Variants in CTNNA2 observed in about 807,000 individuals in gnomAD.
CTNNA2 encodes the protein catenin alpha 2.
In CTNNA2, 42 loss-of-function variants were observed where a neutral mutation model predicts 101.0. The observed-to-expected ratio is 0.42, with a 90% CI of 0.32 to 0.54. CTNNA2 has a LOEUF of 0.54. CTNNA2 is among the 20% of genes least tolerant of loss of function. The probability of loss-of-function intolerance (pLI) is 0.14; values close to 1 mark genes in which losing one functional copy is unlikely to be tolerated. For synonymous variants in CTNNA2, 450 were observed against 456.4 expected (o/e 0.99, Z 0.18); for missense variants, 871 against 1,223.1 (o/e 0.71, Z 4.29).
At position 80,292,901 on chromosome 2, in the gene CTNNA2, T is replaced by A. The variant is rs1675390147; in HGVS notation, c.1057-100310T>A. The stretch of plus-strand genomic sequence containing the variant: ...TCTCCTTTTCTTTCCTACAGCATGT[T>A]TGCTCTTTTTTTTGTACCTTTATGA... On this transcript the variant is annotated intron_variant, in intron 7 of 18. Transcript: ENST00000402739. 2.0e-5 allele frequency among the ~76,000 whole-genome samples: 3 copies of A among 152,336 alleles called. No individual in the cohort carries two copies. The South Asian group carries it at 6.2e-4, about 32-fold the overall frequency.
At position 80,014,147 on chromosome 2, in the gene CTNNA2, TTGAC is replaced by T. The variant is rs1302544962; in HGVS notation, c.1056+104353_1056+104356del. Among the ~76,000 whole-genome samples the T allele has an allele frequency of 3.9e-5, 6 of 152,322 alleles. No individual in the cohort carries two copies. The East Asian group carries it at 9.6e-4, about 24-fold the overall frequency. ...ATTTGTACATATAGTTTATTGCTCA[TTGAC>T]TGGTACTTTCATTGTATCACTGTAC... is the stretch of plus-strand genomic sequence containing the variant. On this transcript the variant is annotated intron_variant, in intron 7 of 18. Coordinates refer to ENST00000402739, the MANE Select transcript of CTNNA2 (RefSeq NM_001282597.3).
intron 3 of CTNNA2, among the ~76,000 whole-genome samples, chr2:79,335,625 T>C (rs1359862454): frequency 6.6e-6 from 1 of 152,248 alleles, no homozygotes; most frequent in Admixed American, 6.5e-5. Context: ...GACATAAAAA[T>C]ATAGTAAACA....
intron 18 of CTNNA2, among the ~76,000 whole-genome samples, chr2:80,628,991 C>CG (rs1671986255): frequency 6.6e-6 from 1 of 152,130 alleles, no homozygotes; most frequent in African/African-American, 2.4e-5. Flanking sequence ...CCCATTTTCT[C>CG]AGCTGTAAAG....
chr2:79,531,195 CATATATATATATATATATAT>C (rs34087238), intron 1 of CTNNA2, among the ~76,000 whole-genome samples: 324 of 110,266 alleles, frequency 2.9e-3, no homozygotes, highest in African/African-American at 5.7e-3. Flanking sequence ...TAGATACGCT[CATATATATATATATATATAT>C]ATATATATAT....
At chr2:79,187,685 A>G (rs780571023) in intron 1 of CTNNA2, among the ~76,000 whole-genome samples, 3 of 152,174 alleles carry the variant, frequency 2.0e-5, no homozygotes, top group Non-Finnish European at 4.4e-5. Context: ...GTAGCAAAAA[A>G]TTCATGATTT....
chr2:79,548,453 C>A (rs1274382930), intron 1 of CTNNA2, among the ~76,000 whole-genome samples: 2 of 152,052 alleles, frequency 1.3e-5, no homozygotes, highest in East Asian at 3.9e-4. Context: ...AATTGTTTAT[C>A]TTCAGAAATG....
Position 80,645,257 on chromosome 2 carries a change from G to A in CTNNA2, c.2575-2328G>A, listed in dbSNP as rs142314356. Among the ~76,000 whole-genome samples, 257 of 152,256 alleles carry A rather than the reference G, an allele frequency of 1.7e-3. 1 individual carries two copies. The highest frequency in any genetic ancestry group is 6.0e-3 in the African/African-American group (248 of 41,546). On this transcript the variant is annotated intron_variant, in intron 18 of 18. Coordinates refer to ENST00000402739, the MANE Select transcript of CTNNA2 (RefSeq NM_001282597.3). ...AGAGAACTGTGCATTGGCCAAAGGT[G>A]TTAGGTATTTAGCTTCTAAAGAAAC...
In CTNNA2 at chr2:80,603,911, C is replaced by G. The variant is rs533932051; in HGVS notation, c.2190-163C>G. On this transcript the variant is annotated intron_variant, in intron 15 of 18. Transcript: ENST00000402739. ...GGGAAAATATTTCCAAAAACGACTA[C>G]TAATATAGAAACTGGAGTTAAGCAG... 4 of 542,316 alleles carry G rather than the reference C, an allele frequency of 7.4e-6. No individual in the cohort carries two copies. In the East Asian group the frequency reaches 1.2e-4, roughly 16 times the overall value. 33.6% of individuals were successfully genotyped at this position (542,316 alleles called of 1,614,324 possible).
chr2:79,710,147 C>G (rs1685648856), intron 2 of CTNNA2, among the ~76,000 whole-genome samples: 2 of 152,002 alleles, frequency 1.3e-5, no homozygotes, highest in Admixed American at 6.6e-5. Flanking sequence ...TATCTTTGAG[C>G]CTGTCAGCTT....
chr2:79,428,967 G>C (rs1678622826), intron 4 of CTNNA2, among the ~76,000 whole-genome samples: 1 of 152,070 alleles, frequency 6.6e-6, no homozygotes, highest in Non-Finnish European at 1.5e-5. Flanking sequence ...CTGGGAAGGG[G>C]CTAGGAAAAG....
chr2:79,509,562 T>TG (rs1225110475), upstream of CTNNA2, among the ~76,000 whole-genome samples: 3 of 152,124 alleles, frequency 2.0e-5, no homozygotes, highest in Admixed American at 6.5e-5. Context: ...AGGCAAAACT[T>TG]GGAGACAGGA....
intron 7 of CTNNA2, among the ~76,000 whole-genome samples, chr2:80,015,909 A>C (rs756128924): frequency 1.3e-4 from 20 of 152,182 alleles, no homozygotes; most frequent in Non-Finnish European, 2.1e-4. Flanking sequence ...GGAAAGTCTA[A>C]TCTGCAGACT....
intron 1 of CTNNA2, among the ~76,000 whole-genome samples, chr2:79,577,411 T>G (rs929942607): frequency 5.3e-5 from 8 of 152,134 alleles, no homozygotes; most frequent in African/African-American, 1.9e-4. Flanking sequence ...TGGTTTTCAT[T>G]TTGAAATGTT....
At chr2:80,312,313 T>G (rs948792168) in intron 7 of CTNNA2, among the ~76,000 whole-genome samples, 1 of 152,148 alleles carries the variant, frequency 6.6e-6, no homozygotes, top group Non-Finnish European at 1.5e-5. Context: ...CTAATTCTGA[T>G]GGGCTATTTA....
At chr2:80,540,797 C>T (rs886769148) in intron 9 of CTNNA2, among the ~76,000 whole-genome samples, 8 of 152,048 alleles carry the variant, frequency 5.3e-5, no homozygotes, top group Admixed American at 4.6e-4. Flanking sequence ...CGGTCTCAAG[C>T]GATTCTCCTG....
intron 18 of CTNNA2, among the ~76,000 whole-genome samples, chr2:80,640,548 T>G (rs893189008): frequency 6.6e-6 from 1 of 152,210 alleles, no homozygotes; most frequent in Non-Finnish European, 1.5e-5. Flanking sequence ...CCCTGGACTT[T>G]CTAGAGGTTT....
At chr2:80,062,815 C>T (rs1241249098) in intron 7 of CTNNA2, among the ~76,000 whole-genome samples, 2 of 151,440 alleles carry the variant, frequency 1.3e-5, no homozygotes, top group African/African-American at 2.4e-5. Flanking sequence ...ACGCCATTCT[C>T]CTGCCTTAGC....
chr2:79,973,132 A>G lies in CTNNA2; in HGVS notation c.1056+63335A>G, dbSNP rs58166637. 8.9e-3 allele frequency among the ~76,000 whole-genome samples: 1,356 copies of G among 152,146 alleles called. 20 individuals are homozygous for G. Among genetic ancestry groups the G allele is most frequent in the African/African-American group, 0.029 (1,218 of 41,510 alleles). On this transcript the variant is annotated intron_variant, in intron 7 of 18. Transcript: ENST00000402739. ...AATTCTCTATTTTCCTTTCTATGTA[A>G]TGCTAAAAAGATTACTGTCTTTCTG...
At chr2:79,785,553 T>A (rs796530759) in intron 3 of CTNNA2, among the ~76,000 whole-genome samples, 1 of 150,528 alleles carries the variant, frequency 6.6e-6, no homozygotes. Flanking sequence ...CTTTGCTTTT[T>A]TTCCCCACAG....
Sources: allele counts gnomAD v4.1 joint callset (sites outside exome capture counted in the v4.1 genomes callset), GRCh38; gene constraint gnomAD v4.1.1; transcripts MANE v1.5; gene names NCBI Gene and HGNC (gene_info 2026-07-23, HGNC 2026-07-21).